SYT6: variants seen among roughly 807,000 people sequenced by gnomAD.
The protein encoded by SYT6 is synaptotagmin-6.
In SYT6, 24 loss-of-function variants were observed where a neutral mutation model predicts 38.4. That is an observed-to-expected ratio of 0.62 (90% CI 0.45 to 0.88). The LOEUF is 0.88. SYT6 is among the 40% of genes least tolerant of loss of function. SYT6 has a pLI of 0.00. For missense variants in SYT6, 611 were observed against 621.0 expected, an observed-to-expected ratio of 0.98 and a Z score of 0.17; for synonymous variants, 265 against 241.9, an observed-to-expected ratio of 1.10 and a Z score of -0.89.
intron 3 of SYT6, among the ~76,000 whole-genome samples, chr1:114,113,496 T>G (rs544520897): frequency 1.4e-4 from 22 of 152,276 alleles, no homozygotes; most frequent in Non-Finnish European, 2.5e-4. Flanking sequence ...CTAAAACTTC[T>G]CAGAGGCTCA....
At chr1:114,092,655 A>C (rs1184946512) in intron 7 of SYT6, among the ~76,000 whole-genome samples, 1 of 152,114 alleles carries the variant, frequency 6.6e-6, no homozygotes, top group Admixed American at 6.6e-5. Context: ...GGGCTTCTGC[A>C]ACCCCTTTCT....
At chr1:114,124,860 G>C (rs1218626129) in intron 3 of SYT6, among the ~76,000 whole-genome samples, 3 of 152,278 alleles carry the variant, frequency 2.0e-5, no homozygotes, top group Non-Finnish European at 2.9e-5. Context: ...TCACTGGCCT[G>C]GTGACCTTGA....
At chr1:114,106,240 A>G (rs1444758638) in intron 3 of SYT6, among the ~76,000 whole-genome samples, 12 of 152,090 alleles carry the variant, frequency 7.9e-5, no homozygotes. Context: ...AGATTCAGTG[A>G]GCACAGTACT....
chr1:114,139,748 A>G lies in SYT6; in HGVS notation c.379T>C (p.Phe127Leu). ...DKLKDPSTLGFLEAAVKISHT... is the reference protein window; with the variant it reads ...DKLKDPSTLGLLEAAVKISHT... ...CTGATCTTCACGGCCGCCTCCAGGA[A>G]GCCCAGGGTGCTGGGGTCCTTCAGC... Residue 127 changes from phenylalanine (F) to leucine (L), a missense_variant, in exon 2 of 8, where the codon TTC becomes CTC. Physicochemically the swap from Phe to Leu is conservative, Grantham distance 22 (BLOSUM62 0). Transcript: ENST00000610222. The G allele has an allele frequency of 6.2e-7, 1 of 1,614,116 alleles. No individual in the cohort carries two copies.
intron 1 of SYT6, among the ~76,000 whole-genome samples, chr1:114,142,583 A>G (rs1678922825): frequency 6.6e-6 from 1 of 152,226 alleles, no homozygotes; most frequent in East Asian, 1.9e-4. Flanking sequence ...ATTGACTCCA[A>G]TTTTGAAAGA....
At chr1:114,126,384 C>T (rs1022820858) in intron 3 of SYT6, among the ~76,000 whole-genome samples, 2 of 152,170 alleles carry the variant, frequency 1.3e-5, no homozygotes, top group Non-Finnish European at 2.9e-5. Context: ...TAGTTACACC[C>T]CATGACCCTA....
chr1:114,095,079 T>C (rs887109355), intron 6 of SYT6, among the ~76,000 whole-genome samples: 1 of 152,178 alleles, frequency 6.6e-6, no homozygotes, highest in Non-Finnish European at 1.5e-5. Flanking sequence ...CTTCTTGATA[T>C]AGAGAATGAT....
chr1:114,131,338 G>A (rs888974805), intron 3 of SYT6, among the ~76,000 whole-genome samples: 4 of 152,150 alleles, frequency 2.6e-5, no homozygotes, highest in East Asian at 3.8e-4. Context: ...GAACATACTC[G>A]CCCTCCTCTG....
At chr1:114,138,618 C>T (rs12038780) in intron 2 of SYT6, among the ~76,000 whole-genome samples, 30,328 of 152,142 alleles carry the variant, frequency 0.2, 3,094 homozygotes, top group East Asian at 0.26. Context: ...GCCATAAAAA[C>T]GAGGATAATA....
intron 3 of SYT6, among the ~76,000 whole-genome samples, chr1:114,111,404 G>A (rs1421121445): frequency 6.6e-6 from 1 of 152,210 alleles, no homozygotes; most frequent in Non-Finnish European, 1.5e-5. Flanking sequence ...GGCACAGCCA[G>A]GATGTGGACG....
At chr1:114,126,616 G>A (rs895679435) in intron 3 of SYT6, among the ~76,000 whole-genome samples, 3 of 152,344 alleles carry the variant, frequency 2.0e-5, no homozygotes, top group South Asian at 4.1e-4. Context: ...GGGAAGCAAC[G>A]GGAAGTACAT....
chr1:114,103,797 G>A, intron 3 of SYT6, 76 bp from the exon 4 acceptor site: 1 of 1,533,832 alleles, frequency 6.5e-7, no homozygotes, highest in Non-Finnish European at 8.8e-7. Flanking sequence ...GTATCTGCTG[G>A]GGCGCTCTGG....
chr1:114,136,698 T>C (rs1051633813), intron 3 of SYT6, among the ~76,000 whole-genome samples: 4 of 152,186 alleles, frequency 2.6e-5, no homozygotes, highest in African/African-American at 7.2e-5. Context: ...TGTGTAGGTG[T>C]TAGTCAGGTC....
chr1:114,102,130 T>C (rs930353157), intron 4 of SYT6, among the ~76,000 whole-genome samples: 4 of 152,158 alleles, frequency 2.6e-5, no homozygotes, highest in Non-Finnish European at 5.9e-5. Context: ...CCAGAGAAGA[T>C]AGTGTGGGGA....
At chr1:114,129,962 G>A (rs991022422) in intron 3 of SYT6, among the ~76,000 whole-genome samples, 3 of 151,972 alleles carry the variant, frequency 2.0e-5, no homozygotes, top group Non-Finnish European at 2.9e-5. Context: ...TAGGAGTACA[G>A]GAGTGAGCCA....
At chr1:114,153,585 G>A (rs1282640808) in intron 1 of SYT6, 25 bp downstream of exon 1, 2 of 583,428 alleles carry the variant, frequency 3.4e-6, no homozygotes, top group Admixed American at 3.4e-5. Flanking sequence ...TCCAGGAAGG[G>A]AGGGGGCCCT....
intron 4 of SYT6, among the ~76,000 whole-genome samples, chr1:114,101,577 C>A (rs1212755101): frequency 6.6e-6 from 1 of 152,180 alleles, no homozygotes; most frequent in Non-Finnish European, 1.5e-5. Context: ...TAGTTTAGAT[C>A]ATTGAGAATA....
chr1:114,126,438 C>T (rs369762072), intron 3 of SYT6, among the ~76,000 whole-genome samples: 2 of 152,336 alleles, frequency 1.3e-5, no homozygotes, highest in East Asian at 1.9e-4. Flanking sequence ...CATTCCCTTC[C>T]TCCTGGATGA....
At chr1:114,138,166 C>T (rs900148604) in intron 2 of SYT6, 113 bp from the exon 3 acceptor site, 6 of 1,041,240 alleles carry the variant, frequency 5.8e-6, no homozygotes, top group African/African-American at 1.6e-5. Flanking sequence ...GTTGAGCCCC[C>T]TTTTCCTTCC....
Sources: allele counts gnomAD v4.1 joint callset (sites outside exome capture counted in the v4.1 genomes callset), GRCh38; gene constraint gnomAD v4.1.1; transcripts MANE v1.5; gene names NCBI Gene and HGNC (gene_info 2026-07-23, HGNC 2026-07-21).